The following USP7 variants were observed in gnomAD, a reference collection of about 807,000 sequenced individuals.
USP7 encodes the protein ubiquitin C-terminal hydrolase 7.
Under a neutral mutation model 162.9 loss-of-function variants are expected in USP7, and 9 were observed. The ratio of observed to expected loss-of-function variants is 0.06; its 90% CI spans 0.03 to 0.10. The LOEUF (loss-of-function observed/expected upper bound fraction) is 0.10. Among genes scored for constraint, USP7 ranks in the 10% least tolerant of loss-of-function variants. The pLI is 1.00. For missense variants in USP7, 715 were observed against 1,373.7 expected (o/e 0.52, Z 7.58); for synonymous variants, 562 against 475.9 (o/e 1.18, Z -2.35).
At chr16:8,920,829 A>G (rs1250372259) in intron 4 of USP7, among the ~76,000 whole-genome samples, 4 of 152,206 alleles carry the variant, frequency 2.6e-5, no homozygotes, top group Admixed American at 6.5e-5. Flanking sequence ...AGCCAAAGTG[A>G]ACTGAATGAT....
chr16:8,949,824 G>A (rs899386134), intron 1 of USP7, among the ~76,000 whole-genome samples: 2 of 152,198 alleles, frequency 1.3e-5, no homozygotes, highest in Non-Finnish European at 2.9e-5. Flanking sequence ...GTGATTACCA[G>A]CAAGTATGCC....
chr16:8,934,374 G>A (rs1898555786), intron 1 of USP7, among the ~76,000 whole-genome samples: 2 of 152,160 alleles, frequency 1.3e-5, no homozygotes, highest in African/African-American at 4.8e-5. Context: ...GGGCTTGTTT[G>A]GGTGACTTGA....
chr16:8,928,238 G>C (rs538621888), intron 2 of USP7, among the ~76,000 whole-genome samples: 1 of 152,080 alleles, frequency 6.6e-6, no homozygotes, highest in Non-Finnish European at 1.5e-5. Flanking sequence ...CAGTCAAGTC[G>C]CTGATAGTTT....
At chr16:8,930,010 G>C (rs1898228371) in intron 2 of USP7, among the ~76,000 whole-genome samples, 1 of 152,154 alleles carries the variant, frequency 6.6e-6, no homozygotes, top group Admixed American at 6.5e-5. Context: ...CCCAATACTA[G>C]CAGTGGCTGG....
chr16:8,915,220 A>G (rs200697140), intron 10 of USP7, 34 bp downstream of exon 10: 7 of 1,536,554 alleles, frequency 4.6e-6, no homozygotes, highest in Non-Finnish European at 5.3e-6. Flanking sequence ...GAAATCATCA[A>G]AAGATCATGC....
intron 1 of USP7, among the ~76,000 whole-genome samples, chr16:8,940,438 T>C (rs146222398): frequency 2.0e-5 from 3 of 152,250 alleles, no homozygotes; most frequent in Admixed American, 6.5e-5. Flanking sequence ...GAAGGTGTAC[T>C]AGGAATGTCC....
intron 1 of USP7, among the ~76,000 whole-genome samples, chr16:8,957,350 A>G (rs572040457): frequency 1.3e-5 from 2 of 152,348 alleles, no homozygotes; most frequent in Admixed American, 6.5e-5. Context: ...GTCATGGTAC[A>G]TGGCAAGAAA....
rs1380062020 is a variant in USP7 at position 8,893,227 on chromosome 16, A to C, written c.*771T>G. On this transcript the variant is annotated 3_prime_UTR_variant, in exon 31 of 31. Transcript: ENST00000344836. ...TTGTCGTCTGTTCCACTTTAACGAA[A>C]TTCTATTTATAATCCTTTCACCTGC... The C allele has an allele frequency of 6.6e-6, 1 of 152,208 alleles. No individual in the cohort carries two copies. Among genetic ancestry groups the C allele is most frequent in the African/African-American group, 2.4e-5 (1 of 41,450 alleles). The allele number at this position is 152,208 out of a possible 1,614,324, so 9.4% of individuals were successfully genotyped here. A position where few individuals can be genotyped will look rare whatever the true frequency, so the allele number is the denominator to read the frequency against.
chr16:8,947,866 T>G (rs1899359802), intron 1 of USP7, among the ~76,000 whole-genome samples: 1 of 152,230 alleles, frequency 6.6e-6, no homozygotes, highest in African/African-American at 2.4e-5. Context: ...GCTCCCACTT[T>G]TGAGACCCTC....
chr16:8,917,133 C>A lies in USP7; in HGVS notation c.744G>T (p.Glu248Asp). ...GGACGCTTTTAGACGAATCATCCCC[C>A]TCGGTTGGCATCATGTACACAGCCT... Reference protein sequence around the residue: ...LRKAVYMMPTEGDDSSKSVPL... With the variant: ...LRKAVYMMPTDGDDSSKSVPL... The change falls in exon 7 of 31, where the codon GAG (glutamate) becomes GAT (aspartate). Residue 248 changes from glutamate (E) to aspartate (D), a missense_variant. Coordinates refer to ENST00000344836, the MANE Select transcript of USP7 (RefSeq NM_003470.3). 6.2e-7 allele frequency: 1 copy of A among 1,613,016 alleles called. No homozygotes were observed. The highest frequency in any genetic ancestry group is 8.5e-7 in the Non-Finnish European group (1 of 1,179,772).
At chr16:8,936,369 C>T (rs1230934856) in intron 1 of USP7, among the ~76,000 whole-genome samples, 3 of 152,162 alleles carry the variant, frequency 2.0e-5, no homozygotes, top group African/African-American at 7.2e-5. Flanking sequence ...GACCTCTCAT[C>T]TCCTCTCCCC....
At chr16:8,921,745 G>A (rs1021208211) in intron 3 of USP7, among the ~76,000 whole-genome samples, 14 of 152,108 alleles carry the variant, frequency 9.2e-5, no homozygotes, top group African/African-American at 2.9e-4. Context: ...GTCCTGCCCC[G>A]GCATCGACGA....
intron 1 of USP7, among the ~76,000 whole-genome samples, chr16:8,944,905 C>T (rs1218662826): frequency 2.3e-5 from 2 of 85,676 alleles, no homozygotes; most frequent in African/African-American, 8.8e-5. Flanking sequence ...GTCAGGAGTT[C>T]GAGATCAGCC....
Position 8,915,321 on chromosome 16 carries a change from T to C in USP7, c.1011A>G (p.Val337=), listed in dbSNP as rs2062011440. The C allele has an allele frequency of 1.2e-6, 2 of 1,613,138 alleles. No homozygotes were observed. Among genetic ancestry groups the C allele is most frequent in the African/African-American group, 2.7e-5 (2 of 74,850 alleles). ...KMVSYIQCKE[V]DYRSDRREDY... Reference sequence around the variant, plus strand: ...CTTCTCTTCTATCAGACCGATAGTCTACTTCTTTACACTGGATATAGGACT... The same window carrying C: ...CTTCTCTTCTATCAGACCGATAGTCCACTTCTTTACACTGGATATAGGACT... Residue 337 remains valine, a synonymous_variant, in exon 10 of 31, where the codon GTA becomes GTG. Transcript: ENST00000344836.
chr16:8,893,853 C>G lies in USP7; in HGVS notation c.*145G>C. 1 of 698,498 alleles carries G rather than the reference C, an allele frequency of 1.4e-6. No individual in the cohort carries two copies. Among genetic ancestry groups the G allele is most frequent in the Non-Finnish European group, 2.5e-6 (1 of 403,578 alleles). The allele number at this position is 698,498 out of a possible 1,614,324, so 43.3% of individuals were successfully genotyped here. ...AGTCAATAGATACAGAGAAGCCAAA[C>G]TGAACAGCCTCAATAAAATAAAATT... On this transcript the variant is annotated 3_prime_UTR_variant, in exon 31 of 31. Coordinates refer to ENST00000344836, the MANE Select transcript of USP7 (RefSeq NM_003470.3).
Position 8,928,568 on chromosome 16 carries a change from G to A in USP7, c.184+1725C>T, listed in dbSNP as rs149252634. On this transcript the variant is annotated intron_variant, in intron 2 of 30. Transcript: ENST00000344836. ...GCAATTTGTACTGCAGCTGGAAAAC[G>A]CTGCCCTCAGCTACAAGTTCTTCTC... Among the ~76,000 whole-genome samples, 485 of 152,198 alleles carry A rather than the reference G, an allele frequency of 3.2e-3. 2 individuals carry two copies. Among genetic ancestry groups the A allele is most frequent in the African/African-American group, 0.011 (458 of 41,520 alleles).
chr16:8,946,152 T>C (rs772911042), intron 1 of USP7, among the ~76,000 whole-genome samples: 3 of 152,092 alleles, frequency 2.0e-5, no homozygotes, highest in Non-Finnish European at 2.9e-5. Context: ...TCACACCTTA[T>C]ACAAAAGGTA....
intron 3 of USP7, among the ~76,000 whole-genome samples, chr16:8,921,984 C>G (rs182147532): frequency 6.6e-6 from 1 of 152,312 alleles, no homozygotes; most frequent in East Asian, 1.9e-4. Flanking sequence ...CAGTGCTGTT[C>G]CCACAGCACT....
intron 14 of USP7, 59 bp downstream of exon 14, chr16:8,905,128 T>TG: frequency 6.4e-7 from 1 of 1,573,470 alleles, no homozygotes. Context: ...TGGAGATTCA[T>TG]GGTACAAATG....
Sources: gnomAD v4.1 joint callset for allele counts (sites outside exome capture counted in the v4.1 genomes callset) on GRCh38, gnomAD v4.1.1 for gene constraint, MANE v1.5 for transcripts, NCBI Gene and HGNC (gene_info 2026-07-23, HGNC 2026-07-21) for gene names.